CTPS2: variants seen among roughly 807,000 people sequenced by gnomAD.
CTPS2 encodes CTP synthase 2.
A neutral mutation model predicts 46.8 loss-of-function variants in CTPS2; 19 were observed. That is an observed-to-expected ratio of 0.41 (90% CI 0.28 to 0.60). CTPS2 has a LOEUF of 0.60. Among genes scored for constraint, CTPS2 ranks in the 20% least tolerant of loss-of-function variants. CTPS2 has a pLI of 0.35. For synonymous variants in CTPS2, 151 were observed against 165.2 expected (o/e 0.91, Z 0.66); for missense variants, 286 against 447.6 (o/e 0.64, Z 3.26).
intron 17 of CTPS2, among the ~76,000 whole-genome samples, chrX:16,598,103 G>C (rs754691662): frequency 0.22 from 600 of 2,776 alleles, 2 homozygotes; most frequent in African/African-American, 0.51. Flanking sequence ...GGCTGAGAAA[G>C]CAGGAAAATC....
chrX:16,679,965 G>C (rs1166601630), intron 9 of CTPS2, among the ~76,000 whole-genome samples: 1 of 111,484 alleles, frequency 9.0e-6, no homozygotes, highest in Non-Finnish European at 1.9e-5. Flanking sequence ...TAAGTAAAGG[G>C]ACGACAGGAA....
At position 16,698,907 on chromosome X, in the gene CTPS2, C is replaced by A. The variant is rs1924344711; in HGVS notation, c.337+16G>T. 1.1e-5 allele frequency: 13 copies of A among 1,180,054 alleles called. No homozygotes were observed. The highest frequency in any genetic ancestry group is 2.4e-5 in the Admixed American group (1 of 41,114). On this transcript the variant is annotated intron_variant, in intron 3 of 18. Transcript: ENST00000359276. ...TTCAGCACACAGGGCTCCATAATGT[C>A]TGTGGAATATAATACCTTGCACTGT... is the stretch of plus-strand genomic sequence containing the variant.
At chrX:16,598,804 C>G (rs1410356108) in intron 17 of CTPS2, among the ~76,000 whole-genome samples, 1 of 111,356 alleles carries the variant, frequency 9.0e-6, no homozygotes, top group African/African-American at 3.3e-5. Flanking sequence ...ATGCAAAAAT[C>G]CTCAGTAAAA....
At chrX:16,614,786 G>A (rs900512028) in intron 16 of CTPS2, among the ~76,000 whole-genome samples, 3 of 111,536 alleles carry the variant, frequency 2.7e-5, no homozygotes, top group African/African-American at 9.8e-5. Context: ...GCTCATGCCT[G>A]TAATCCCAGC....
chrX:16,622,324 C>A (rs1333268255), intron 14 of CTPS2, among the ~76,000 whole-genome samples: 1 of 108,647 alleles, frequency 9.2e-6, no homozygotes, highest in Non-Finnish European at 1.9e-5. Flanking sequence ...ATCACTTGAA[C>A]CTGGAAGGCG....
At chrX:16,654,345 A>T in intron 13 of CTPS2, 1 of 774,589 alleles carries the variant, frequency 1.3e-6, no homozygotes, top group Non-Finnish European at 1.9e-6. Flanking sequence ...GAGAATGTGT[A>T]GCAGTAACTG....
intron 8 of CTPS2, among the ~76,000 whole-genome samples, chrX:16,686,306 T>C: frequency 8.9e-6 from 1 of 112,172 alleles, no homozygotes. Context: ...GTGATTATAA[T>C]GCATTATATG....
Position 16,693,217 on chromosome X carries a change from G to C in CTPS2, c.563C>G (p.Ala188Gly), listed in dbSNP as rs1569233967. Reference protein sequence around the residue: ...IHVSLVPQLSATGEQKTKPTQ... With the variant: ...IHVSLVPQLSGTGEQKTKPTQ... Reference sequence around the variant, plus strand: ...GGGTTTGGTTTTTTGTTCTCCGGTAGCACTGAGCTGAAAAAAAATGGGGTC... The same window carrying C: ...GGGTTTGGTTTTTTGTTCTCCGGTACCACTGAGCTGAAAAAAAATGGGGTC... Residue 188 changes from alanine to glycine, a missense_variant, in exon 6 of 19, where the codon GCT becomes GGT. By Grantham distance (60) the Ala-to-Gly change is moderately conservative. Coordinates refer to ENST00000359276, the MANE Select transcript of CTPS2 (RefSeq NM_175859.3). The C allele has an allele frequency of 1.7e-6, 2 of 1,205,580 alleles. No individual in the cohort carries two copies. Among genetic ancestry groups the C allele is most frequent in the Non-Finnish European group, 1.1e-6 (1 of 891,944 alleles).
chrX:16,698,433 T>C lies in CTPS2; in HGVS notation c.338-97A>G. On this transcript the variant is annotated intron_variant, in intron 3 of 18. Transcript: ENST00000359276. Reference sequence around the variant, plus strand: ...AATCACCTGAAAGTCACCTGGCAAGTTACCCTGACATATTTTTGGAAAATG... The same window carrying C: ...AATCACCTGAAAGTCACCTGGCAAGCTACCCTGACATATTTTTGGAAAATG... The C allele has an allele frequency of 5.5e-6, 3 of 544,916 alleles. No individual in the cohort carries two copies. In the South Asian group the frequency reaches 1.0e-4, roughly 19 times the overall value. The allele number at this position is 544,916 out of a possible 1,213,427, so 44.9% of individuals were successfully genotyped here. A position where few individuals can be genotyped will look rare whatever the true frequency, so the allele number is the denominator to read the frequency against.
At chrX:16,643,592 C>G (rs1184455998) in intron 13 of CTPS2, among the ~76,000 whole-genome samples, 1 of 111,676 alleles carries the variant, frequency 9.0e-6, no homozygotes, top group Non-Finnish European at 1.9e-5. Flanking sequence ...GATTTTGATT[C>G]TAAGTCATAT....
At chrX:16,655,023 C>T (rs1467884153) in intron 13 of CTPS2, among the ~76,000 whole-genome samples, 3 of 112,151 alleles carry the variant, frequency 2.7e-5, no homozygotes, top group Non-Finnish European at 5.6e-5. Context: ...CTCCCTTGCT[C>T]CACTTTTCCA....
intron 8 of CTPS2, among the ~76,000 whole-genome samples, chrX:16,685,621 G>A (rs764229617): frequency 9.2e-6 from 1 of 108,603 alleles, no homozygotes; most frequent in African/African-American, 3.4e-5. Flanking sequence ...CAGTTTGGGA[G>A]GCCGAGGTGG....
intron 10 of CTPS2, among the ~76,000 whole-genome samples, chrX:16,674,886 A>G (rs1193474006): frequency 1.8e-5 from 2 of 110,743 alleles, no homozygotes; most frequent in Non-Finnish European, 3.8e-5. Context: ...CTAAAGTTAA[A>G]GGTGTATTCA....
intron 13 of CTPS2, among the ~76,000 whole-genome samples, chrX:16,648,483 A>G (rs746183423): frequency 8.9e-6 from 1 of 112,420 alleles, no homozygotes; most frequent in South Asian, 3.7e-4. Context: ...ATATTTTTTA[A>G]AAGATGTTTA....
chrX:16,617,729 G>A (rs1254518506), intron 15 of CTPS2, among the ~76,000 whole-genome samples: 1 of 111,965 alleles, frequency 8.9e-6, no homozygotes, highest in Non-Finnish European at 1.9e-5. Context: ...CCTAATAGAT[G>A]GCAACTTGAT....
intron 1 of CTPS2, among the ~76,000 whole-genome samples, chrX:16,707,788 C>T (rs1213876034): frequency 8.9e-6 from 1 of 111,749 alleles, no homozygotes; most frequent in African/African-American, 3.3e-5. Context: ...TCCTGGTCAG[C>T]GTGGCGAAAC....
chrX:16,592,047 TA>T (rs1472958825), intron 17 of CTPS2, among the ~76,000 whole-genome samples: 78 of 111,261 alleles, frequency 7.0e-4, no homozygotes, highest in Non-Finnish European at 1.4e-3. Flanking sequence ...ATACTTACAT[TA>T]AATAAATTTG....
rs1332003158 is a variant in CTPS2 at position 16,698,860 on chromosome X, A to G, written c.337+63T>C. On this transcript the variant is annotated intron_variant, in intron 3 of 18. Coordinates refer to ENST00000359276, the MANE Select transcript of CTPS2 (RefSeq NM_175859.3). Reference sequence around the variant, plus strand: ...GCCACCGTGCCCGGCCTTCAGTTCTACTTTTGAGCAGTACAAAGATATTCA... The same window carrying G: ...GCCACCGTGCCCGGCCTTCAGTTCTGCTTTTGAGCAGTACAAAGATATTCA... 3.8e-6 allele frequency: 4 copies of G among 1,059,188 alleles called. No individual in the cohort carries two copies. The East Asian group carries it at 9.8e-5, about 26-fold the overall frequency. 87.3% of individuals were successfully genotyped at this position (1,059,188 alleles called of 1,213,427 possible).
At chrX:16,617,338 A>G (rs1930587573) in intron 15 of CTPS2, 92 bp from the exon 16 acceptor site, 1 of 560,940 alleles carries the variant, frequency 1.8e-6, no homozygotes, top group Non-Finnish European at 2.9e-6. Flanking sequence ...TTTCCATTTC[A>G]GTGATCCTCT....
Sources: allele counts gnomAD v4.1 joint callset (sites outside exome capture counted in the v4.1 genomes callset), GRCh38; gene constraint gnomAD v4.1.1; transcripts MANE v1.5; gene names NCBI Gene and HGNC (gene_info 2026-07-23, HGNC 2026-07-21).